The following MINDY2 variants were observed in gnomAD, a reference collection of about 807,000 sequenced individuals.
The protein encoded by MINDY2 is MINDY lysine 48 deubiquitinase 2, also known as ubiquitin carboxyl-terminal hydrolase MINDY-2.
A neutral mutation model predicts 68.2 loss-of-function variants in MINDY2; 52 were observed. That is an observed-to-expected ratio of 0.76 (90% CI 0.61 to 0.96). The LOEUF (loss-of-function observed/expected upper bound fraction) is 0.96, where lower values mean the gene tolerates loss of function less well. Ranked by LOEUF, MINDY2 falls within the 40% of genes least tolerant of loss-of-function variation. The pLI is 0.00. For missense variants in MINDY2, 881 were observed against 773.4 expected, an observed-to-expected ratio of 1.14 and a Z score of -1.65; for synonymous variants, 372 against 303.0, an observed-to-expected ratio of 1.23 and a Z score of -2.36.
chr15:58,836,728 C>A (rs1476493386), intron 6 of MINDY2, among the ~76,000 whole-genome samples: 2 of 152,162 alleles, frequency 1.3e-5, no homozygotes. Flanking sequence ...AAGCGATCCT[C>A]ATGGCTCAGC....
At chr15:58,791,927 G>A (rs556281795) in intron 2 of MINDY2, among the ~76,000 whole-genome samples, 3 of 152,038 alleles carry the variant, frequency 2.0e-5, no homozygotes, top group African/African-American at 7.2e-5. Flanking sequence ...AGAAAGAGCC[G>A]GCACGGTCAG....
intron 5 of MINDY2, among the ~76,000 whole-genome samples, chr15:58,825,490 T>TA (rs1430230227): frequency 6.6e-6 from 1 of 152,006 alleles, no homozygotes; most frequent in African/African-American, 2.4e-5. Flanking sequence ...TCAGCAAGTT[T>TA]AAAAAAAAGC....
intron 2 of MINDY2, among the ~76,000 whole-genome samples, chr15:58,795,382 G>T (rs1453825079): frequency 6.6e-6 from 1 of 151,930 alleles, no homozygotes; most frequent in Non-Finnish European, 1.5e-5. Context: ...TTTTAATACT[G>T]TAGATATATA....
At position 58,855,297 on chromosome 15, in the gene MINDY2, C is replaced by A. The variant is rs1432999451; in HGVS notation, c.*687C>A. On this transcript the variant is annotated 3_prime_UTR_variant, in exon 9 of 9. Coordinates refer to ENST00000559228, the MANE Select transcript of MINDY2 (RefSeq NM_001040450.3). ...CATAACACTAATACTTATAACCTAT[C>A]AATATCAGATATTAATGACTTTGTA... The A allele has an allele frequency of 6.6e-6, 1 of 152,544 alleles. No homozygotes were observed. The highest frequency in any genetic ancestry group is 2.4e-5 in the African/African-American group (1 of 41,424). 9.4% of individuals were successfully genotyped at this position (152,544 alleles called of 1,614,324 possible).
chr15:58,815,885 G>C (rs1257540713), intron 4 of MINDY2, among the ~76,000 whole-genome samples: 2 of 151,594 alleles, frequency 1.3e-5, no homozygotes, highest in Non-Finnish European at 2.9e-5. Flanking sequence ...TCATCATGTT[G>C]GTCAGGATGG....
At chr15:58,818,675 A>G (rs1156960590) in intron 4 of MINDY2, among the ~76,000 whole-genome samples, 1 of 139,612 alleles carries the variant, frequency 7.2e-6, no homozygotes, top group Non-Finnish European at 1.5e-5. Context: ...TTTTTGAGAC[A>G]GTGTTTTTGT....
chr15:58,782,988 T>G (rs1384145817), intron 1 of MINDY2, among the ~76,000 whole-genome samples: 5 of 146,046 alleles, frequency 3.4e-5, no homozygotes, highest in Non-Finnish European at 7.5e-5. Context: ...GGCGTGATCT[T>G]TACTCACTGC....
intron 6 of MINDY2, among the ~76,000 whole-genome samples, chr15:58,844,918 C>T (rs1399856003): frequency 3.7e-5 from 2 of 53,674 alleles, no homozygotes; most frequent in African/African-American, 1.1e-4. Flanking sequence ...GAGACCCTGC[C>T]TAAAAAAAAA....
At chr15:58,777,379 G>A (rs1482843236) in intron 1 of MINDY2, among the ~76,000 whole-genome samples, 1 of 152,188 alleles carries the variant, frequency 6.6e-6, no homozygotes, top group African/African-American at 2.4e-5. Context: ...AAGTGTAGTG[G>A]TTCTGGATGA....
intron 1 of MINDY2, among the ~76,000 whole-genome samples, chr15:58,772,587 A>G (rs664936): frequency 0.26 from 39,648 of 152,050 alleles, 5,765 homozygotes; most frequent in East Asian, 0.62. Flanking sequence ...AAAAAAGTGA[A>G]GAATTGGAGA....
At chr15:58,840,919 C>A (rs1452017116) in intron 6 of MINDY2, among the ~76,000 whole-genome samples, 2 of 148,876 alleles carry the variant, frequency 1.3e-5, no homozygotes, top group African/African-American at 5.0e-5. Flanking sequence ...CTGCCTGACT[C>A]GGCCTCCCAA....
At position 58,787,954 on chromosome 15, in the gene MINDY2, G is replaced by T; in HGVS notation, c.889G>T (p.Glu297Ter). Reference sequence around the variant, plus strand: ...AATCATAACTGCTGAGCAGCTGATGGAATATTTAGGTTAGTGTTGAAAAGT... The same window carrying T: ...AATCATAACTGCTGAGCAGCTGATGTAATATTTAGGTTAGTGTTGAAAAGT... ...MEIITAEQLM[E>*]YLGDYMLDAK... is the part of the protein sequence containing the mutation. The change falls in exon 2 of 9, where the codon GAA becomes TAA. Residue 297 changes from glutamate (E) to a stop codon, truncating the protein, a stop_gained. Coordinates refer to ENST00000559228, the MANE Select transcript of MINDY2 (RefSeq NM_001040450.3). LOFTEE classifies it high-confidence loss of function. 6.3e-7 allele frequency: 1 copy of T among 1,585,734 alleles called. No homozygotes were observed. The highest frequency in any genetic ancestry group is 1.2e-5 in the South Asian group (1 of 84,786).
chr15:58,796,478 T>C (rs751591897), intron 2 of MINDY2, among the ~76,000 whole-genome samples: 18 of 152,240 alleles, frequency 1.2e-4, no homozygotes, highest in Non-Finnish European at 2.5e-4. Flanking sequence ...GGATGCTTAA[T>C]CTATTTTAGT....
intron 7 of MINDY2, 140 bp downstream of exon 7, chr15:58,847,610 G>A (rs1277522481): frequency 1.6e-6 from 1 of 631,320 alleles, no homozygotes; most frequent in African/African-American, 1.8e-5. Context: ...TGAATAGTTG[G>A]TGATCATTCT....
intron 1 of MINDY2, among the ~76,000 whole-genome samples, chr15:58,772,516 A>G (rs1900501585): frequency 6.6e-6 from 1 of 152,236 alleles, no homozygotes; most frequent in Non-Finnish European, 1.5e-5. Flanking sequence ...AGCATCTTAA[A>G]TCTTATGATT....
intron 5 of MINDY2, among the ~76,000 whole-genome samples, chr15:58,825,811 G>A (rs1467061165): frequency 6.6e-6 from 1 of 152,104 alleles, no homozygotes; most frequent in African/African-American, 2.4e-5. Flanking sequence ...TCACCATGTT[G>A]CCCAGGCTGG....
intron 5 of MINDY2, among the ~76,000 whole-genome samples, chr15:58,822,273 A>C (rs540520380): frequency 2.0e-5 from 3 of 151,860 alleles, no homozygotes; most frequent in South Asian, 2.1e-4. Flanking sequence ...AAAGAAGAAG[A>C]AGTAATCATT....
At chr15:58,830,878 C>G (rs2031672536) in intron 5 of MINDY2, among the ~76,000 whole-genome samples, 1 of 152,018 alleles carries the variant, frequency 6.6e-6, no homozygotes, top group Non-Finnish European at 1.5e-5. Context: ...AGAATTTTCA[C>G]CAGTCTTCAC....
rs2033001727 is a variant in MINDY2 at position 58,854,724 on chromosome 15, T to TC, written c.*115dup. 1.1e-5 allele frequency: 14 copies of TC among 1,326,672 alleles called. No homozygotes were observed. Among genetic ancestry groups the TC allele is most frequent in the Non-Finnish European group, 1.2e-5 (12 of 991,478 alleles). The allele number at this position is 1,326,672 out of a possible 1,614,324, so 82.2% of individuals were successfully genotyped here. On this transcript the variant is annotated 3_prime_UTR_variant, in exon 9 of 9. Coordinates refer to ENST00000559228, the MANE Select transcript of MINDY2 (RefSeq NM_001040450.3). ...TGCCTGATTTCCTAATGGATTTTGT[T>TC]CGTTTTTTCAGGGGAACGGTTGTTA...
Sources: gnomAD v4.1 joint callset for allele counts (sites outside exome capture counted in the v4.1 genomes callset) on GRCh38, gnomAD v4.1.1 for gene constraint, MANE v1.5 for transcripts, NCBI Gene and HGNC (gene_info 2026-07-23, HGNC 2026-07-21) for gene names.